Variants in TRPS1 observed in about 807,000 individuals in gnomAD.
TRPS1 encodes transcriptional repressor GATA binding 1, also known as zinc finger transcription factor Trps1.
Under a neutral mutation model 101.2 loss-of-function variants are expected in TRPS1, and 6 were observed. The observed-to-expected ratio is 0.06, with a 90% CI of 0.03 to 0.12. The LOEUF (loss-of-function observed/expected upper bound fraction) is 0.12, where lower values mean the gene tolerates loss of function less well. Ranked by LOEUF, TRPS1 falls within the 10% of genes least tolerant of loss-of-function variation. TRPS1 has a pLI of 1.00. For synonymous variants in TRPS1, 578 were observed against 589.8 expected (o/e 0.98, Z 0.29); for missense variants, 1,363 against 1,567.0 (o/e 0.87, Z 2.20).
At chr8:115,496,898 T>G (rs1268065586) in intron 5 of TRPS1, among the ~76,000 whole-genome samples, 1 of 152,210 alleles carries the variant, frequency 6.6e-6, no homozygotes, top group Middle Eastern at 3.2e-3. Flanking sequence ...TTTTTACTCT[T>G]ATACACACAT....
intron 5 of TRPS1, among the ~76,000 whole-genome samples, chr8:115,537,972 G>C (rs142321113): frequency 1.2e-3 from 181 of 152,312 alleles, no homozygotes; most frequent in Non-Finnish European, 2.1e-3. Context: ...TGCAGGGAGT[G>C]CTTCAGTGAT....
chr8:115,507,508 A>T (rs1285679782), intron 5 of TRPS1, among the ~76,000 whole-genome samples: 1 of 151,864 alleles, frequency 6.6e-6, no homozygotes, highest in East Asian at 1.9e-4. Flanking sequence ...TATGTGAGCC[A>T]GATGTTCATT....
At chr8:115,548,119 A>G (rs1816621009) in intron 5 of TRPS1, among the ~76,000 whole-genome samples, 1 of 151,912 alleles carries the variant, frequency 6.6e-6, no homozygotes, top group Non-Finnish European at 1.5e-5. Context: ...CTCTAAGCCC[A>G]GCTACTCAGG....
At chr8:115,586,907 C>G in intron 5 of TRPS1, 94 bp downstream of exon 5, 2 of 1,596,686 alleles carry the variant, frequency 1.3e-6, no homozygotes, top group Admixed American at 1.7e-5. Flanking sequence ...TTAAGTTTCA[C>G]TTCACACACA....
chr8:115,470,990 T>A (rs3808416), intron 5 of TRPS1, among the ~76,000 whole-genome samples: 1 of 152,042 alleles, frequency 6.6e-6, no homozygotes, highest in Non-Finnish European at 1.5e-5. Flanking sequence ...TCTGCTTCTG[T>A]GATTAACGCA....
intron 5 of TRPS1, among the ~76,000 whole-genome samples, chr8:115,527,560 T>C (rs1012903770): frequency 2.0e-5 from 3 of 152,052 alleles, no homozygotes; most frequent in Admixed American, 1.3e-4. Context: ...AATAAAAGAA[T>C]AGTTACAATT....
At chr8:115,578,807 C>T (rs1246246248) in intron 5 of TRPS1, among the ~76,000 whole-genome samples, 1 of 152,186 alleles carries the variant, frequency 6.6e-6, no homozygotes, top group East Asian at 1.9e-4. Flanking sequence ...AACTCTTTCG[C>T]AATAAGCATG....
intron 5 of TRPS1, among the ~76,000 whole-genome samples, chr8:115,442,550 C>T (rs1021823147): frequency 3.8e-4 from 55 of 145,098 alleles, no homozygotes; most frequent in South Asian, 6.7e-4. Context: ...AAGTATGGTG[C>T]GTGTGTGTGT....
chr8:115,467,203 C>T (rs1814343834), intron 5 of TRPS1, among the ~76,000 whole-genome samples: 1 of 151,974 alleles, frequency 6.6e-6, no homozygotes, highest in Non-Finnish European at 1.5e-5. Context: ...AAAATGCATT[C>T]CAATTTACAA....
chr8:115,456,919 A>G (rs913012214), intron 5 of TRPS1, among the ~76,000 whole-genome samples: 3 of 152,140 alleles, frequency 2.0e-5, no homozygotes, highest in African/African-American at 4.8e-5. Context: ...GTGTTGTTCA[A>G]ATCTGTGCAA....
chr8:115,577,464 A>T (rs1314671447), intron 5 of TRPS1, among the ~76,000 whole-genome samples: 1 of 152,166 alleles, frequency 6.6e-6, no homozygotes. Flanking sequence ...ATAAAAAATA[A>T]TAAAAATATT....
intron 5 of TRPS1, among the ~76,000 whole-genome samples, chr8:115,526,792 G>T (rs1816008859): frequency 6.6e-6 from 1 of 152,150 alleles, no homozygotes; most frequent in Non-Finnish European, 1.5e-5. Context: ...AAATTAGATA[G>T]TCACACAAGG....
chr8:115,440,367 A>T (rs1813562342), intron 5 of TRPS1, among the ~76,000 whole-genome samples: 1 of 152,234 alleles, frequency 6.6e-6, no homozygotes, highest in South Asian at 2.1e-4. Flanking sequence ...TGTTCTTCAA[A>T]GGGAATTCTT....
intron 5 of TRPS1, among the ~76,000 whole-genome samples, chr8:115,486,774 A>G (rs991100650): frequency 6.6e-6 from 1 of 152,224 alleles, no homozygotes; most frequent in African/African-American, 2.4e-5. Context: ...AAGCTGCAGA[A>G]GAAAAATCTT....
At position 115,411,323 on chromosome 8, in the gene TRPS1, C is replaced by CAA. The variant is rs1417448475; in HGVS notation, c.*2698_*2699dup. 5 of 151,746 alleles carry CAA rather than the reference C, an allele frequency of 3.3e-5. No homozygotes were observed. The South Asian group carries it at 8.4e-4, about 25-fold the overall frequency. 9.4% of individuals were successfully genotyped at this position (151,746 alleles called of 1,614,324 possible). A position where few individuals can be genotyped will look rare whatever the true frequency, so the allele number is the denominator to read the frequency against. ...AATGAAAATAAAAAGGCATACATGC[C>CAA]AAAAATAAAGAACCTATTTGTGTCC... is the stretch of plus-strand genomic sequence containing the variant. On this transcript the variant is annotated 3_prime_UTR_variant, in exon 7 of 7. Transcript: ENST00000395715.
At chr8:115,623,022 T>C (rs1164717269) in intron 2 of TRPS1, among the ~76,000 whole-genome samples, 1 of 152,118 alleles carries the variant, frequency 6.6e-6, no homozygotes, top group East Asian at 1.9e-4. Context: ...TGAAGAGATA[T>C]AATGGGTCAT....
intron 5 of TRPS1, among the ~76,000 whole-genome samples, chr8:115,464,633 T>C (rs920702965): frequency 6.6e-6 from 1 of 152,280 alleles, no homozygotes; most frequent in Non-Finnish European, 1.5e-5. Context: ...TGTTGAAACA[T>C]GTTTTCCTTT....
intron 5 of TRPS1, among the ~76,000 whole-genome samples, chr8:115,537,279 T>C: frequency 6.6e-6 from 1 of 152,214 alleles, no homozygotes; most frequent in East Asian, 1.9e-4. Context: ...ACGTTCATAG[T>C]TATGATTCAT....
chr8:115,601,574 A>G (rs1817908624), intron 4 of TRPS1, among the ~76,000 whole-genome samples: 1 of 152,218 alleles, frequency 6.6e-6, no homozygotes, highest in Non-Finnish European at 1.5e-5. Flanking sequence ...GGTCAGCCAA[A>G]CTATATCAGG....
Sources: allele counts gnomAD v4.1 joint callset (sites outside exome capture counted in the v4.1 genomes callset), GRCh38; gene constraint gnomAD v4.1.1; transcripts MANE v1.5; gene names NCBI Gene and HGNC (gene_info 2026-07-23, HGNC 2026-07-21).